Variants in WDR24 observed in about 807,000 individuals in gnomAD.
The protein encoded by WDR24 is WD repeat domain 24.
Under a neutral mutation model 66.7 loss-of-function variants are expected in WDR24, and 32 were observed. The ratio of observed to expected loss-of-function variants is 0.48; its 90% CI spans 0.36 to 0.64. The LOEUF (loss-of-function observed/expected upper bound fraction) is 0.64. WDR24 is among the 30% of genes least tolerant of loss of function. The pLI is 0.00. For missense variants in WDR24, 978 were observed against 1,144.1 expected (o/e 0.85, Z 2.09); for synonymous variants, 565 against 469.1 (o/e 1.20, Z -2.64).
At position 685,288 on chromosome 16, in the gene WDR24, C is replaced by G. The variant is rs867367783; in HGVS notation, c.1988G>C (p.Arg663Pro). The G allele has an allele frequency of 6.3e-7, 1 of 1,597,390 alleles. No individual in the cohort carries two copies. Among genetic ancestry groups the G allele is most frequent in the Non-Finnish European group, 8.5e-7 (1 of 1,172,338 alleles). ...CTGCTCGTCGATGTCCTTGCGCACC[C>G]GTTCACCCAGGACGATGAGCACAGA... ...AVSVLIVLGERVRKDIDEQTQ... is the reference protein window; with the variant it reads ...AVSVLIVLGEPVRKDIDEQTQ... Residue 663 changes from arginine to proline, a missense_variant, in exon 7 of 9, where the codon CGG becomes CCG. Coordinates refer to ENST00000293883, the MANE Select transcript of WDR24 (RefSeq NM_032259.4).
Position 686,901 on chromosome 16 carries a change from A to G in WDR24, c.1175T>C (p.Leu392Pro), listed in dbSNP as rs1353410598. The change falls in exon 3 of 9, where the codon CTC becomes CCC. Residue 392 changes from leucine to proline, a missense_variant. Physicochemically the swap from Leu to Pro is moderately conservative, Grantham distance 98. Transcript: ENST00000293883. ...KLDPAEPFAG[L>P]ASSALSVFET... ...AAAGACACTGAGGGCACTGGAGGCG[A>G]GGCCTGCGAAGGGCTCGGCAGGGTC... The G allele has an allele frequency of 6.2e-7, 1 of 1,608,518 alleles. No homozygotes were observed. The highest frequency in any genetic ancestry group is 8.5e-7 in the Non-Finnish European group (1 of 1,179,402).
chr16:686,737 T>C lies in WDR24; in HGVS notation c.1332+7A>G. On this transcript the variant is annotated splice_region_variant and intron_variant, in intron 3 of 8. Coordinates refer to ENST00000293883, the MANE Select transcript of WDR24 (RefSeq NM_032259.4). ...CCCAGGGACCCCCAGGCTCAGCACCTACCTACCTGGTTGCGGCCAAGCTCT... is the reference window on the plus strand; with the variant it reads ...CCCAGGGACCCCCAGGCTCAGCACCCACCTACCTGGTTGCGGCCAAGCTCT... 1.9e-6 allele frequency: 3 copies of C among 1,587,138 alleles called. No homozygotes were observed. Among genetic ancestry groups the C allele is most frequent in the Non-Finnish European group, 2.6e-6 (3 of 1,163,436 alleles).
rs1378022179 is a variant in WDR24, at chr16:685,087, G to A, written c.2109C>T (p.Arg703=). 6 of 1,555,990 alleles carry A rather than the reference G, an allele frequency of 3.9e-6. No homozygotes were observed. In the African/African-American group the frequency reaches 4.1e-5, roughly 11 times the overall value. The change falls in exon 8 of 9, where the codon CGC becomes CGT. Residue 703 remains arginine, a synonymous_variant. Transcript: ENST00000293883. Reference sequence around the variant, plus strand: ...AGGCCTGGTTGAGGCAGCTGACGGCGCGGCTGGTGCTCAGCTTGACCACCT... The same window carrying A: ...AGGCCTGGTTGAGGCAGCTGACGGCACGGCTGGTGCTCAGCTTGACCACCT... ...SNEVVKLSTS[R]AVSCLNQAST...
Position 685,069 on chromosome 16 carries a change from G to A in WDR24, c.2127C>T (p.Asn709=). ...LSTSRAVSCL[N]QASTTLHVNC... ...TGACGTGCAGGGTGGTGGAGGCCTG[G>A]TTGAGGCAGCTGACGGCGCGGCTGG... Residue 709 remains asparagine (N), a synonymous_variant, in exon 8 of 9, where the codon AAC becomes AAT. Coordinates refer to ENST00000293883, the MANE Select transcript of WDR24 (RefSeq NM_032259.4). 3 of 1,558,700 alleles carry A rather than the reference G, an allele frequency of 1.9e-6. No homozygotes were observed. Among genetic ancestry groups the A allele is most frequent in the Non-Finnish European group, 1.7e-6 (2 of 1,152,302 alleles).
At chr16:686,377 A>C (rs567862973) in intron 3 of WDR24, among the ~76,000 whole-genome samples, 191 bp from the exon 4 acceptor site, 184 of 152,334 alleles carry the variant, frequency 1.2e-3, no homozygotes, top group African/African-American at 4.1e-3. Flanking sequence ...CTACAGCAGC[A>C]CAGAGGAAAA....
In WDR24 at chr16:685,662, C is replaced by T; in HGVS notation, c.1678+17G>A. The T allele has an allele frequency of 6.2e-7, 1 of 1,612,584 alleles. No individual in the cohort carries two copies. ...CCATCCGCCTCTGAACCCCACCCTG[C>T]CCGGACCCCCACTCACGGTGCGCGT... On this transcript the variant is annotated intron_variant, in intron 6 of 8. Transcript: ENST00000293883.
rs1391951093 is a variant in WDR24, at chr16:685,159, G to A, written c.2037C>T (p.Ser679=). 2 of 1,580,244 alleles carry A rather than the reference G, an allele frequency of 1.3e-6. No individual in the cohort carries two copies. Among genetic ancestry groups the A allele is most frequent in the African/African-American group, 1.3e-5 (1 of 74,104 alleles). ...GGAAGCGCTGCAGCAGGTCGATGTA[G>A]GAAGTGTACCAGTGCTCCTGGGGGA... ...DEQTQEHWYT[S]YIDLLQRFRL... is the part of the protein sequence containing the mutation. Residue 679 remains serine, a synonymous_variant, in exon 8 of 9, where the codon TCC becomes TCT. Transcript: ENST00000293883.
Position 685,520 on chromosome 16 carries a change from C to G in WDR24, c.1756G>C (p.Glu586Gln). Residue 586 changes from glutamate (E) to glutamine (Q), a missense_variant, in exon 7 of 9, where the codon GAG (glutamate) becomes CAG (glutamine). Transcript: ENST00000293883. ...GAGTCGGCCTTGTCCTGCAGGTGCT[C>G]GGGCCCGGGAGGCGTGTCCACGATC... ...HEIVDTPPGP[E>Q]HLQDKADSPH... 1 of 1,589,866 alleles carries G rather than the reference C, an allele frequency of 6.3e-7. No homozygotes were observed. The highest frequency in any genetic ancestry group is 8.6e-7 in the Non-Finnish European group (1 of 1,164,806).
chr16:686,041 C>G, intron 4 of WDR24, 27 bp downstream of exon 4: 1 of 1,612,778 alleles, frequency 6.2e-7, no homozygotes, highest in African/African-American at 1.3e-5. Context: ...GCCCCAGCCC[C>G]TGGGGAGAGC....
Position 687,627 on chromosome 16 carries a change from C to G in WDR24, c.594G>C (p.Arg198=), listed in dbSNP as rs763218597. 6.2e-7 allele frequency: 1 copy of G among 1,613,536 alleles called. No individual in the cohort carries two copies. The highest frequency in any genetic ancestry group is 2.2e-5 in the East Asian group (1 of 44,886). The stretch of plus-strand genomic sequence containing the variant: ...TGTGGGCTGTGAACATCCTCTCGCA[C>G]CGGTCGGGACGCCGGATGTCCCAGA... ...VQLWDIRRPD[R]CERMFTAHNG... is the part of the protein sequence containing the mutation. Residue 198 remains arginine, a synonymous_variant, in exon 2 of 9, where the codon CGG becomes CGC. Coordinates refer to ENST00000293883, the MANE Select transcript of WDR24 (RefSeq NM_032259.4).
At position 685,668 on chromosome 16, in the gene WDR24, C is replaced by A. The variant is rs1339807185; in HGVS notation, c.1678+11G>T. The A allele has an allele frequency of 3.7e-6, 6 of 1,612,762 alleles. No individual in the cohort carries two copies. The highest frequency in any genetic ancestry group is 2.7e-5 in the African/African-American group (2 of 75,048). On this transcript the variant is annotated intron_variant, in intron 6 of 8. Coordinates refer to ENST00000293883, the MANE Select transcript of WDR24 (RefSeq NM_032259.4). ...GCCTCTGAACCCCACCCTGCCCGGA[C>A]CCCCACTCACGGTGCGCGTGTTCCG...
In WDR24 at chr16:689,454, G is replaced by A; in HGVS notation, c.187C>T (p.Leu63=). The A allele has an allele frequency of 6.2e-7, 1 of 1,613,640 alleles. No homozygotes were observed. Among genetic ancestry groups the A allele is most frequent in the Non-Finnish European group, 8.5e-7 (1 of 1,180,046 alleles). Residue 63 remains leucine, a synonymous_variant, in exon 1 of 9, where the codon CTG becomes TTG. Transcript: ENST00000293883. ...GGCTTGCGCCCCACACGCAGGTTCA[G>A]CTTTTCCACGAACTGTTCCTCCTCG... ...AIEEEQFVEK[L]NLRVGRKPSL...
Position 684,849 on chromosome 16 carries a change from A to G in WDR24, c.2258T>C (p.Leu753Pro). 1 of 1,518,638 alleles carries G rather than the reference A, an allele frequency of 6.6e-7. No homozygotes were observed. The highest frequency in any genetic ancestry group is 1.2e-5 in the South Asian group (1 of 84,214). The allele number at this position is 1,518,638 out of a possible 1,614,324, so 94.1% of individuals were successfully genotyped here. A position where few individuals can be genotyped will look rare whatever the true frequency, so the allele number is the denominator to read the frequency against. ...CAVCHHVVKG[L>P]FVWCQGCSHG... The stretch of plus-strand genomic sequence containing the variant: ...GCTGCAGCCCTGGCACCACACGAAG[A>G]GACCCTTGACTACGTGGTGGCAGAC... The change falls in exon 9 of 9, where the codon CTC becomes CCC. Residue 753 changes from leucine (L) to proline (P), a missense_variant. This residue lies in a region of WDR24 where 676 missense variants were observed against 617.5 expected (regional missense o/e 1.09). Transcript: ENST00000293883.
At position 689,472 on chromosome 16, in the gene WDR24, C is replaced by T; in HGVS notation, c.169G>A (p.Glu57Lys). 6.2e-7 allele frequency: 1 copy of T among 1,613,554 alleles called. No individual in the cohort carries two copies. The highest frequency in any genetic ancestry group is 1.1e-5 in the South Asian group (1 of 91,092). The change falls in exon 1 of 9, where the codon GAA (glutamate) becomes AAA (lysine). Residue 57 changes from glutamate to lysine, a missense_variant. Around this residue, in one of 2 missense-constraint regions of WDR24, gnomAD observed 302 missense variants for 526.6 expected, o/e 0.57. Transcript: ENST00000293883. The part of the protein sequence containing the change: ...SIFKIYAIEE[E>K]QFVEKLNLRV... ...AGGTTCAGCTTTTCCACGAACTGTT[C>T]CTCCTCGATGGCATAGATCTTGAAG... is the stretch of plus-strand genomic sequence containing the variant.
intron 1 of WDR24, chr16:688,058 T>C (rs1000709095): frequency 9.6e-6 from 5 of 523,488 alleles, no homozygotes; most frequent in African/African-American, 3.8e-5. Context: ...ACTGGGAGAA[T>C]AGGAACGCAC....
chr16:685,414 T>C lies in WDR24; in HGVS notation c.1862A>G (p.His621Arg), dbSNP rs1422585908. The C allele has an allele frequency of 6.2e-7, 1 of 1,612,404 alleles. No homozygotes were observed. Among genetic ancestry groups the C allele is most frequent in the East Asian group, 2.2e-5 (1 of 44,866 alleles). ...CGGCAGGCGGCTGTCGTAGAGCGCGTGTGAGACAGACAGGAGCGAGAAGGA... is the reference window on the plus strand; with the variant it reads ...CGGCAGGCGGCTGTCGTAGAGCGCGCGTGAGACAGACAGGAGCGAGAAGGA... ...DSSFSLLSVSHALYDSRLPPD... is the reference protein window; with the variant it reads ...DSSFSLLSVSRALYDSRLPPD... Residue 621 changes from histidine to arginine, a missense_variant, in exon 7 of 9, where the codon CAC becomes CGC. His to Arg is a conservative substitution (Grantham distance 29). Coordinates refer to ENST00000293883, the MANE Select transcript of WDR24 (RefSeq NM_032259.4).
In WDR24 at chr16:690,061, T is replaced by G; in HGVS notation, c.-421A>C. 4.3e-6 allele frequency: 2 copies of G among 468,590 alleles called. No individual in the cohort carries two copies. The highest frequency in any genetic ancestry group is 8.5e-6 in the Non-Finnish European group (2 of 235,372). 29.0% of individuals were successfully genotyped at this position (468,590 alleles called of 1,614,324 possible). On this transcript the variant is annotated 5_prime_UTR_variant, in exon 1 of 9. Coordinates refer to ENST00000293883, the MANE Select transcript of WDR24 (RefSeq NM_032259.4). ...GCGAGGAGACTCCCGCCGTCCACAC[T>G]GTCAGCCCTGAGGGCGGCGGGGCTC... is the stretch of plus-strand genomic sequence containing the variant.
At chr16:687,502 T>G in intron 2 of WDR24, 60 bp downstream of exon 2, 1 of 1,594,050 alleles carries the variant, frequency 6.3e-7, no homozygotes, top group Non-Finnish European at 8.5e-7. Context: ...GACTGTCTCA[T>G]GGATCTGAGG....
intron 3 of WDR24, among the ~76,000 whole-genome samples, chr16:686,525 C>A (rs559399462): frequency 6.8e-6 from 1 of 147,106 alleles, no homozygotes. Flanking sequence ...ACACGACTCC[C>A]GAGACCCCCG....
Sources: gnomAD v4.1 joint callset for allele counts (sites outside exome capture counted in the v4.1 genomes callset) on GRCh38, gnomAD v4.1.1 for gene constraint, gnomAD v4.1.1 regional missense constraint, MANE v1.5 for transcripts, NCBI Gene and HGNC (gene_info 2026-07-23, HGNC 2026-07-21) for gene names.